Variants in C10orf90 observed in about 807,000 individuals in gnomAD.
The protein encoded by C10orf90 is (E2-independent) E3 ubiquitin-conjugating enzyme FATS.
In C10orf90, 56 loss-of-function variants were observed where a neutral mutation model predicts 62.5. That is an observed-to-expected ratio of 0.90 (90% confidence interval 0.72 to 1.12). The LOEUF (loss-of-function observed/expected upper bound fraction) is 1.12, where lower values mean the gene tolerates loss of function less well. Among genes scored for constraint, C10orf90 ranks in the 50% most tolerant of loss-of-function variants. The pLI, the probability that C10orf90 is intolerant of heterozygous loss-of-function variation, is 0.00. For synonymous variants in C10orf90, 386 were observed against 340.4 expected, an observed-to-expected ratio of 1.13 and a Z score of -1.47; for missense variants, 970 against 880.4, an observed-to-expected ratio of 1.10 and a Z score of -1.29.
Position 126,658,139 on chromosome 10 carries a change from T to G in C10orf90, c.241-11502A>C, listed in dbSNP as rs566995351. On this transcript the variant is annotated intron_variant, in intron 1 of 9. Coordinates refer to ENST00000488181, the MANE Select transcript of C10orf90 (RefSeq NM_001350921.2). ...CTGTCCCAGAACAAGGACGTTGAAATGCCGACAGCCATGAGGTCCCGCTTC... is the reference window on the plus strand; with the variant it reads ...CTGTCCCAGAACAAGGACGTTGAAAGGCCGACAGCCATGAGGTCCCGCTTC... 2.0e-5 allele frequency among the ~76,000 whole-genome samples: 3 copies of G among 152,316 alleles called. No homozygotes were observed. In the East Asian group the frequency reaches 5.8e-4, roughly 29 times the overall value.
chr10:126,511,246 C>T (rs1275786182), intron 3 of C10orf90, among the ~76,000 whole-genome samples: 1 of 152,186 alleles, frequency 6.6e-6, no homozygotes, highest in East Asian at 1.9e-4. Flanking sequence ...GCTTTTCTCA[C>T]TCTCCATCAT....
chr10:126,484,484 C>T (rs1861326748), intron 4 of C10orf90, among the ~76,000 whole-genome samples: 1 of 152,060 alleles, frequency 6.6e-6, no homozygotes, highest in Non-Finnish European at 1.5e-5. Context: ...TGAAAAAGTC[C>T]TGCTTTATTT....
At chr10:126,526,406 G>A (rs890302472) in intron 2 of C10orf90, among the ~76,000 whole-genome samples, 11 of 151,854 alleles carry the variant, frequency 7.2e-5, no homozygotes, top group Non-Finnish European at 1.3e-4. Context: ...CACCACACCC[G>A]GCTAATTTTT....
chr10:126,624,075 C>T (rs886433525), intron 2 of C10orf90, among the ~76,000 whole-genome samples: 6 of 151,602 alleles, frequency 4.0e-5, no homozygotes, highest in Non-Finnish European at 5.9e-5. Context: ...GGGCCTAGCG[C>T]GGTGGCTCAC....
rs74158268 is a variant in C10orf90 at position 126,432,687 on chromosome 10, G to A, written c.2189-2837C>T. Among the ~76,000 whole-genome samples the A allele has an allele frequency of 2.8e-3, 422 of 152,324 alleles. 2 individuals carry two copies. The highest frequency in any genetic ancestry group is 9.7e-3 in the African/African-American group (404 of 41,568). ...TGAAAGTGGGTCATCGTGGCTGTGC[G>A]GGGAGGGAGGGTGCAGAGGCGAGAG... On this transcript the variant is annotated intron_variant, in intron 7 of 9. Coordinates refer to ENST00000488181, the MANE Select transcript of C10orf90 (RefSeq NM_001350921.2).
At chr10:126,658,879 C>A (rs547695391) in intron 1 of C10orf90, among the ~76,000 whole-genome samples, 1 of 152,322 alleles carries the variant, frequency 6.6e-6, no homozygotes, top group East Asian at 1.9e-4. Flanking sequence ...AAGCGTGAGC[C>A]ATTGCTCCTA....
chr10:126,573,957 A>G (rs1564878054), intron 2 of C10orf90, among the ~76,000 whole-genome samples: 1 of 152,188 alleles, frequency 6.6e-6, no homozygotes, highest in Non-Finnish European at 1.5e-5. Flanking sequence ...CTTACTTTTT[A>G]GTTTCACAAA....
chr10:126,512,860 C>T (rs1224091393), intron 3 of C10orf90, among the ~76,000 whole-genome samples: 3 of 152,178 alleles, frequency 2.0e-5, no homozygotes, highest in African/African-American at 7.2e-5. Flanking sequence ...CAAATAACTT[C>T]CTTTCTCCAT....
At chr10:126,649,028 GTCTCTGTCTCTCTCTCTCTCTCTC>G (rs1564909015) in intron 1 of C10orf90, among the ~76,000 whole-genome samples, 4 of 102,796 alleles carry the variant, frequency 3.9e-5, no homozygotes, top group East Asian at 2.7e-4. Flanking sequence ...CTCTCTCTCT[GTCTCTGTCTCTCTCTCTCTCTCTC>G]TCTCTCTCTC....
intron 7 of C10orf90, among the ~76,000 whole-genome samples, chr10:126,432,645 G>A (rs1857657217): frequency 6.6e-6 from 1 of 152,238 alleles, no homozygotes; most frequent in African/African-American, 2.4e-5. Context: ...GGCACAGTGA[G>A]CTTCTGCAGT....
At chr10:126,472,014 C>A (rs2133770534) in intron 4 of C10orf90, among the ~76,000 whole-genome samples, 2 of 152,190 alleles carry the variant, frequency 1.3e-5, no homozygotes, top group Admixed American at 1.3e-4. Flanking sequence ...TCAACAGAAA[C>A]AAGTTTCAAT....
chr10:126,659,952 G>T (rs1846474452), intron 1 of C10orf90, among the ~76,000 whole-genome samples: 2 of 152,224 alleles, frequency 1.3e-5, no homozygotes, highest in African/African-American at 2.4e-5. Context: ...CTGAGTGCTG[G>T]TCTGGTGCCA....
chr10:126,624,675 T>G (rs747148031), intron 2 of C10orf90, among the ~76,000 whole-genome samples: 7 of 152,222 alleles, frequency 4.6e-5, no homozygotes, highest in Admixed American at 2.0e-4. Context: ...TTCCTGCTTA[T>G]GTTACTTATC....
intron 4 of C10orf90, among the ~76,000 whole-genome samples, chr10:126,489,109 A>C (rs1002261980): frequency 1.3e-5 from 2 of 152,276 alleles, no homozygotes; most frequent in South Asian, 4.1e-4. Context: ...CACAAACATA[A>C]ATAAAAAAAA....
intron 2 of C10orf90, among the ~76,000 whole-genome samples, chr10:126,587,090 G>A (rs1413673749): frequency 6.6e-6 from 1 of 152,136 alleles, no homozygotes; most frequent in Non-Finnish European, 1.5e-5. Context: ...ACTTGTGTAT[G>A]CTGGAATCCA....
chr10:126,649,325 A>G (rs1846245669), intron 1 of C10orf90, among the ~76,000 whole-genome samples: 1 of 151,934 alleles, frequency 6.6e-6, no homozygotes, highest in Non-Finnish European at 1.5e-5. Context: ...TAATCCTTTC[A>G]TGCAGAAGAG....
intron 2 of C10orf90, among the ~76,000 whole-genome samples, chr10:126,548,720 C>T (rs573752009): frequency 6.0e-5 from 9 of 150,006 alleles, no homozygotes; most frequent in East Asian, 6.0e-4. Context: ...AAACATTCTA[C>T]GGGATTGCAA....
intron 2 of C10orf90, among the ~76,000 whole-genome samples, chr10:126,600,076 C>T (rs1318134523): frequency 1.3e-5 from 2 of 152,234 alleles, no homozygotes; most frequent in African/African-American, 2.4e-5. Context: ...AAGCAGGTTT[C>T]CACAGTGTGT....
chr10:126,630,310 A>T (rs933865467), intron 2 of C10orf90, among the ~76,000 whole-genome samples: 1 of 152,120 alleles, frequency 6.6e-6, no homozygotes, highest in African/African-American at 2.4e-5. Context: ...CAGATGCTGG[A>T]TGAAGAGGGC....
Sources: gnomAD v4.1 joint callset for allele counts (sites outside exome capture counted in the v4.1 genomes callset) on GRCh38, gnomAD v4.1.1 for gene constraint, MANE v1.5 for transcripts, NCBI Gene and HGNC (gene_info 2026-07-23, HGNC 2026-07-21) for gene names.